The following ANO5 variants were observed in gnomAD, a reference collection of about 807,000 sequenced individuals.
ANO5 encodes anoctamin-5.
In ANO5, 109 loss-of-function variants were observed where a neutral mutation model predicts 121.0. The observed-to-expected ratio is 0.90, with a 90% CI of 0.77 to 1.06. The LOEUF (loss-of-function observed/expected upper bound fraction) is 1.06, where lower values mean the gene tolerates loss of function less well. Ranked by LOEUF, ANO5 falls within the 50% of genes least tolerant of loss-of-function variation. The pLI, the probability that ANO5 is intolerant of heterozygous loss-of-function variation, is 0.00. For missense variants in ANO5, 1,064 were observed against 1,078.5 expected, an observed-to-expected ratio of 0.99 and a Z score of 0.19; for synonymous variants, 406 against 359.9, an observed-to-expected ratio of 1.13 and a Z score of -1.45.
chr11:22,239,476 T>C (rs1427019567), intron 8 of ANO5, 93 bp from the exon 9 acceptor site: 1 of 873,652 alleles, frequency 1.1e-6, no homozygotes, highest in Non-Finnish European at 2.0e-6. Flanking sequence ...AACATACCCT[T>C]GTTTACTAAC....
At position 22,274,626 on chromosome 11, in the gene ANO5, T is replaced by C; in HGVS notation, c.2293T>C (p.Tyr765His). The change falls in exon 20 of 22, where the codon TAC (tyrosine) becomes CAC (histidine). Residue 765 changes from tyrosine to histidine, a missense_variant. Coordinates refer to ENST00000324559, the MANE Select transcript of ANO5 (RefSeq NM_213599.3). The stretch of plus-strand genomic sequence containing the variant: ...TCCCCGTCTAGTTTACTACTATGCT[T>C]ACTCAACAAATGCCACACAGCCTAT... ...IIPRLVYYYA[Y>H]STNATQPMTG... is the part of the protein sequence containing the mutation. The C allele has an allele frequency of 1.2e-6, 2 of 1,613,416 alleles. No homozygotes were observed. Among genetic ancestry groups the C allele is most frequent in the Non-Finnish European group, 1.7e-6 (2 of 1,179,578 alleles).
At chr11:22,211,099 C>T in intron 2 of ANO5, among the ~76,000 whole-genome samples, 165 bp from the exon 3 acceptor site, 1 of 151,970 alleles carries the variant, frequency 6.6e-6, no homozygotes, top group East Asian at 1.9e-4. Context: ...AACACACATG[C>T]ACATGCATAC....
chr11:22,240,094 T>C (rs1461714763), intron 9 of ANO5, among the ~76,000 whole-genome samples: 1 of 152,088 alleles, frequency 6.6e-6, no homozygotes, highest in Non-Finnish European at 1.5e-5. Flanking sequence ...GGGCTAACAC[T>C]TAGTGTTTAA....
intron 17 of ANO5, among the ~76,000 whole-genome samples, chr11:22,269,023 C>T (rs1419476528): frequency 7.1e-6 from 1 of 141,060 alleles, no homozygotes; most frequent in Non-Finnish European, 1.5e-5. Flanking sequence ...AGAAGACAGA[C>T]ATAGAGAAAG....
chr11:22,248,086 CATTG>C (rs1370964134), intron 9 of ANO5, among the ~76,000 whole-genome samples: 5 of 152,032 alleles, frequency 3.3e-5, no homozygotes, highest in South Asian at 2.1e-4. Flanking sequence ...AAAATGTTTG[CATTG>C]ATTGATTTAT....
At chr11:22,209,344 A>G (rs1852211612) in intron 2 of ANO5, among the ~76,000 whole-genome samples, 1 of 151,938 alleles carries the variant, frequency 6.6e-6, no homozygotes, top group Non-Finnish European at 1.5e-5. Context: ...AAAAGTCAAC[A>G]TTTATGGAGA....
chr11:22,243,406 G>A lies in ANO5; in HGVS notation c.878+3722G>A, dbSNP rs929015316. Among the ~76,000 whole-genome samples, 3 of 152,034 alleles carry A rather than the reference G, an allele frequency of 2.0e-5. No homozygotes were observed. In the East Asian group the frequency reaches 5.8e-4, roughly 29 times the overall value. On this transcript the variant is annotated intron_variant, in intron 9 of 21. Coordinates refer to ENST00000324559, the MANE Select transcript of ANO5 (RefSeq NM_213599.3). ...GTTGTTGTGTCTCTATCAGATTTTG[G>A]TATCAGCCTGGTGCTGGTTTCATAG...
At chr11:22,235,571 G>T (rs1853187738) in intron 7 of ANO5, among the ~76,000 whole-genome samples, 1 of 152,084 alleles carries the variant, frequency 6.6e-6, no homozygotes, top group Non-Finnish European at 1.5e-5. Flanking sequence ...TTGAAAAGTT[G>T]TTGGAAGATA....
In ANO5 at chr11:22,259,581, A is replaced by G. The variant is rs1854121818; in HGVS notation, c.1470A>G (p.Thr490=). 1.2e-6 allele frequency: 2 copies of G among 1,613,992 alleles called. No homozygotes were observed. The part of the protein sequence containing the change: ...VIVYRLSVFA[T]FASFMESDAS... ...TGTACCGCCTGTCAGTCTTTGCTAC[A>G]TTTGCTAGTTTCATGGAAAGTGATG... Residue 490 remains threonine (T), a synonymous_variant, in exon 15 of 22, where the codon ACA becomes ACG. Transcript: ENST00000324559.
intron 1 of ANO5, among the ~76,000 whole-genome samples, 155 bp downstream of exon 1, chr11:22,193,687 C>T (rs1277798841): frequency 6.6e-6 from 1 of 152,152 alleles, no homozygotes; most frequent in Admixed American, 6.5e-5. Context: ...ACCGGGACTG[C>T]GGGGCAGAGT....
chr11:22,241,118 C>T (rs1023506214), intron 9 of ANO5, among the ~76,000 whole-genome samples: 3 of 151,552 alleles, frequency 2.0e-5, no homozygotes, highest in East Asian at 1.9e-4. Flanking sequence ...GGTGCAGATC[C>T]TGCCACCCAA....
At chr11:22,245,185 G>GAGCCAGC (rs1853577233) in intron 9 of ANO5, among the ~76,000 whole-genome samples, 1 of 152,132 alleles carries the variant, frequency 6.6e-6, no homozygotes, top group Non-Finnish European at 1.5e-5. Context: ...TGGCACTTAG[G>GAGCCAGC]AGTAAGAGCC....
intron 1 of ANO5, among the ~76,000 whole-genome samples, chr11:22,201,772 G>A (rs1726893420): frequency 6.6e-6 from 1 of 152,144 alleles, no homozygotes; most frequent in Admixed American, 6.6e-5. Context: ...ATCTATTCCT[G>A]TGATAACAGT....
intron 7 of ANO5, among the ~76,000 whole-genome samples, chr11:22,227,858 T>C (rs1465712260): frequency 6.6e-6 from 1 of 152,064 alleles, no homozygotes; most frequent in Non-Finnish European, 1.5e-5. Flanking sequence ...AAGCAATTAA[T>C]TGAGAGCTAG....
Position 22,281,326 on chromosome 11 carries a change from T to G in ANO5, c.*1561T>G, listed in dbSNP as rs1273353576. The G allele has an allele frequency of 6.6e-6, 1 of 152,062 alleles. No homozygotes were observed. The highest frequency in any genetic ancestry group is 1.5e-5 in the Non-Finnish European group (1 of 67,906). 9.4% of individuals were successfully genotyped at this position (152,062 alleles called of 1,614,324 possible). On this transcript the variant is annotated 3_prime_UTR_variant, in exon 22 of 22. Coordinates refer to ENST00000324559, the MANE Select transcript of ANO5 (RefSeq NM_213599.3). The stretch of plus-strand genomic sequence containing the variant: ...TATGGCAGATGGTATTAACTACTGA[T>G]CAATAGTAAGCATACAGAACTGGGG...
At chr11:22,224,819 C>T (rs1010031017) in intron 5 of ANO5, among the ~76,000 whole-genome samples, 17 of 152,002 alleles carry the variant, frequency 1.1e-4, no homozygotes, top group African/African-American at 4.1e-4. Flanking sequence ...GAATATTTTT[C>T]AGCCATTGAA....
Position 22,193,229 on chromosome 11 carries a change from G to T in ANO5, c.-264G>T, listed in dbSNP as rs1442272381. 18 of 1,349,008 alleles carry T rather than the reference G, an allele frequency of 1.3e-5. No individual in the cohort carries two copies. Among genetic ancestry groups the T allele is most frequent in the East Asian group, 3.0e-5 (1 of 33,074 alleles). The allele number at this position is 1,349,008 out of a possible 1,614,324, so 83.6% of individuals were successfully genotyped here. On this transcript the variant is annotated 5_prime_UTR_variant, in exon 1 of 22. Coordinates refer to ENST00000324559, the MANE Select transcript of ANO5 (RefSeq NM_213599.3). The stretch of plus-strand genomic sequence containing the variant: ...GGTGGGGAAGCGCAGGGCCAAGCGC[G>T]CGAAGCAGGTTGTGGGGGACCGGGT...
chr11:22,213,502 G>C (rs78962364), intron 3 of ANO5, among the ~76,000 whole-genome samples: 1 of 151,558 alleles, frequency 6.6e-6, no homozygotes, highest in Non-Finnish European at 1.5e-5. Flanking sequence ...TAGAAGTGTC[G>C]TTATCTTCAT....
At position 22,267,193 on chromosome 11, in the gene ANO5, T is replaced by G. The variant is rs55937636; in HGVS notation, c.1899-3119T>G. 3.3e-3 allele frequency among the ~76,000 whole-genome samples: 495 copies of G among 152,154 alleles called. 4 individuals carry two copies. Among genetic ancestry groups the G allele is most frequent in the Non-Finnish European group, 4.7e-3 (319 of 67,938 alleles). ...AAAGTTATATGGAAACACACACACATACACAAAGATATTCTCATATACTTA... is the reference window on the plus strand; with the variant it reads ...AAAGTTATATGGAAACACACACACAGACACAAAGATATTCTCATATACTTA... On this transcript the variant is annotated intron_variant, in intron 17 of 21. Transcript: ENST00000324559.
Sources: allele counts gnomAD v4.1 joint callset (sites outside exome capture counted in the v4.1 genomes callset), GRCh38; gene constraint gnomAD v4.1.1; transcripts MANE v1.5; gene names NCBI Gene and HGNC (gene_info 2026-07-23, HGNC 2026-07-21).